Variants in GPR39 observed in about 807,000 individuals in gnomAD.
The protein encoded by GPR39 is zinc sensing receptor.
GPR39 carries 23 observed loss-of-function variants against 18.4 expected under a neutral mutation model. The ratio of observed to expected loss-of-function variants is 1.25; its 90% CI spans 0.90 to 1.77. The LOEUF (loss-of-function observed/expected upper bound fraction) is 1.77, where lower values mean the gene tolerates loss of function less well. GPR39 is among the 40% of genes most tolerant of loss of function. The pLI is 0.00. For synonymous variants in GPR39, 280 were observed against 257.9 expected (o/e 1.09, Z -0.82); for missense variants, 647 against 602.4 (o/e 1.07, Z -0.78).
At chr2:132,487,898 T>A (rs1681373995) in intron 1 of GPR39, among the ~76,000 whole-genome samples, 1 of 152,134 alleles carries the variant, frequency 6.6e-6, no homozygotes, top group Admixed American at 6.5e-5. Flanking sequence ...CTAAAACTAA[T>A]GAAATTAAAC....
At position 132,417,467 on chromosome 2, in the gene GPR39, G is replaced by T; in HGVS notation, c.425G>T (p.Arg142Met). ...ERYIAICHPF[R>M]YKAVSGPCQV... is the part of the protein sequence containing the mutation. ...TACATCGCCATCTGTCACCCCTTCA[G>T]GTACAAGGCTGTGTCGGGACCTTGC... Residue 142 changes from arginine (R) to methionine (M), a missense_variant, in exon 1 of 2, where the codon AGG becomes ATG. By Grantham distance (91) the Arg-to-Met change is moderately conservative (BLOSUM62 -1). Transcript: ENST00000329321. 6.2e-7 allele frequency: 1 copy of T among 1,614,180 alleles called. No homozygotes were observed. The highest frequency in any genetic ancestry group is 8.5e-7 in the Non-Finnish European group (1 of 1,180,032).
At chr2:132,498,894 C>T (rs1331991944) in intron 1 of GPR39, among the ~76,000 whole-genome samples, 1 of 152,030 alleles carries the variant, frequency 6.6e-6, no homozygotes, top group Non-Finnish European at 1.5e-5. Flanking sequence ...TGTCTTTAGC[C>T]CACTTTTTGA....
At chr2:132,421,751 A>G (rs1680013252) in intron 1 of GPR39, among the ~76,000 whole-genome samples, 2 of 152,194 alleles carry the variant, frequency 1.3e-5, no homozygotes, top group South Asian at 4.1e-4. Context: ...AGCAAAGAGA[A>G]GGAGCTCAGA....
At chr2:132,461,582 C>G (rs976854706) in intron 1 of GPR39, among the ~76,000 whole-genome samples, 5 of 152,126 alleles carry the variant, frequency 3.3e-5, no homozygotes, top group African/African-American at 1.2e-4. Flanking sequence ...TTTCCTCATA[C>G]ATTTAGCATT....
chr2:132,637,292 G>C (rs896969607), intron 1 of GPR39, among the ~76,000 whole-genome samples: 5 of 152,202 alleles, frequency 3.3e-5, no homozygotes, highest in Non-Finnish European at 5.9e-5. Context: ...ACTGAAGCTT[G>C]TACAGCAGAA....
At chr2:132,601,655 G>T (rs2104841589) in intron 1 of GPR39, among the ~76,000 whole-genome samples, 1 of 152,012 alleles carries the variant, frequency 6.6e-6, no homozygotes, top group South Asian at 2.1e-4. Context: ...CAGACAACAT[G>T]GTCTTACATA....
intron 1 of GPR39, among the ~76,000 whole-genome samples, chr2:132,624,782 G>A (rs113406913): frequency 0.015 from 2,227 of 152,324 alleles, 54 homozygotes; most frequent in African/African-American, 0.05. Flanking sequence ...GCTGTGTGCA[G>A]TGTATAGTAT....
intron 1 of GPR39, among the ~76,000 whole-genome samples, chr2:132,572,525 G>A (rs1307743894): frequency 2.7e-5 from 4 of 149,912 alleles, no homozygotes; most frequent in African/African-American, 9.9e-5. Context: ...AACTCATAGG[G>A]TTAGAAGAGA....
intron 1 of GPR39, among the ~76,000 whole-genome samples, chr2:132,554,776 C>A (rs1680116736): frequency 6.6e-6 from 1 of 152,212 alleles, no homozygotes; most frequent in Non-Finnish European, 1.5e-5. Flanking sequence ...AGCATTTTCT[C>A]CCCCTAGATA....
In GPR39 at chr2:132,645,775, C is replaced by A; in HGVS notation, c.*169C>A. 1 of 973,322 alleles carries A rather than the reference C, an allele frequency of 1.0e-6. No individual in the cohort carries two copies. Among genetic ancestry groups the A allele is most frequent in the Non-Finnish European group, 1.5e-6 (1 of 677,210 alleles). 60.3% of individuals were successfully genotyped at this position (973,322 alleles called of 1,614,324 possible). A position where few individuals can be genotyped will look rare whatever the true frequency, so the allele number is the denominator to read the frequency against. On this transcript the variant is annotated 3_prime_UTR_variant, in exon 2 of 2. Transcript: ENST00000329321. ...GACTTCTAAGGACTGACTCTGCCAG[C>A]CTGGCCTTGACTCCGGTTACACAGA...
At chr2:132,512,121 G>A (rs1438389715) in intron 1 of GPR39, among the ~76,000 whole-genome samples, 1 of 152,144 alleles carries the variant, frequency 6.6e-6, no homozygotes, top group Non-Finnish European at 1.5e-5. Context: ...TGTCAGTCTA[G>A]GGCTAAGAGT....
intron 1 of GPR39, among the ~76,000 whole-genome samples, chr2:132,510,333 C>A (rs1679216581): frequency 6.6e-6 from 1 of 152,152 alleles, no homozygotes; most frequent in African/African-American, 2.4e-5. Context: ...TAATTTGAGC[C>A]AGTCTCCCCA....
In GPR39 at chr2:132,644,757, CCA is replaced by C. The variant is rs1451244204; in HGVS notation, c.857-343_857-342del. On this transcript the variant is annotated intron_variant, in intron 1 of 1. Coordinates refer to ENST00000329321, the MANE Select transcript of GPR39 (RefSeq NM_001508.3). ...TTCTTTAAAACAAAAAAAGACAAAA[CCA>C]GATTTATGGATAACATGAACTGCTT... 6 of 238,914 alleles carry C rather than the reference CCA, an allele frequency of 2.5e-5. No individual in the cohort carries two copies. In the East Asian group the frequency reaches 6.3e-4, roughly 25 times the overall value. 14.8% of individuals were successfully genotyped at this position (238,914 alleles called of 1,614,324 possible).
chr2:132,474,640 C>A (rs944083614), intron 1 of GPR39, among the ~76,000 whole-genome samples: 1 of 152,202 alleles, frequency 6.6e-6, no homozygotes, highest in Non-Finnish European at 1.5e-5. Flanking sequence ...ATCTATCTTG[C>A]CCCTTGAAAC....
chr2:132,581,630 A>G (rs544217092), intron 1 of GPR39, among the ~76,000 whole-genome samples: 10 of 152,234 alleles, frequency 6.6e-5, no homozygotes, highest in Non-Finnish European at 1.5e-4. Context: ...TCCTGGGGAA[A>G]TGAGGTTTGG....
chr2:132,424,211 A>G lies in GPR39; in HGVS notation c.856+6313A>G, dbSNP rs529975473. Among the ~76,000 whole-genome samples the G allele has an allele frequency of 1.2e-3, 180 of 152,358 alleles. 1 individual carries two copies. The highest frequency in any genetic ancestry group is 6.8e-3 in the Middle Eastern group (2 of 294). ...TGGTGAATGGTCCTTGTTAAAATCT[A>G]TTGAACAAGATGTTAAATGCAATGA... On this transcript the variant is annotated intron_variant, in intron 1 of 1. Coordinates refer to ENST00000329321, the MANE Select transcript of GPR39 (RefSeq NM_001508.3).
intron 1 of GPR39, chr2:132,604,650 T>C (rs1337590562): frequency 6.6e-6 from 1 of 152,258 alleles, no homozygotes; most frequent in African/African-American, 2.4e-5. Flanking sequence ...TAGAAGGTTA[T>C]ATATAAAGTC....
intron 1 of GPR39, among the ~76,000 whole-genome samples, chr2:132,457,958 C>T (rs527653906): frequency 5.6e-4 from 85 of 152,340 alleles, no homozygotes; most frequent in African/African-American, 1.9e-3. Flanking sequence ...GAAAGAATCT[C>T]CTTGTCTGCC....
At chr2:132,464,799 C>A (rs979312098) in intron 1 of GPR39, among the ~76,000 whole-genome samples, 3 of 152,180 alleles carry the variant, frequency 2.0e-5, no homozygotes, top group Non-Finnish European at 2.9e-5. Context: ...ACTAGTCCTT[C>A]TAGCAAACCT....
Sources: gnomAD v4.1 joint callset for allele counts (sites outside exome capture counted in the v4.1 genomes callset) on GRCh38, gnomAD v4.1.1 for gene constraint, MANE v1.5 for transcripts, NCBI Gene and HGNC (gene_info 2026-07-23, HGNC 2026-07-21) for gene names.